VDAC1: variants seen among roughly 807,000 people sequenced by gnomAD.
VDAC1 encodes the protein voltage dependent anion channel 1, also known as non-selective voltage-gated ion channel VDAC1.
A neutral mutation model predicts 34.7 loss-of-function variants in VDAC1; 10 were observed. That is an observed-to-expected ratio of 0.29 (90% CI 0.18 to 0.49). The LOEUF (loss-of-function observed/expected upper bound fraction) is 0.49. Ranked by LOEUF, VDAC1 falls within the 20% of genes least tolerant of loss-of-function variation. The pLI, the probability that VDAC1 is intolerant of heterozygous loss-of-function variation, is 0.99. For missense variants in VDAC1, 230 were observed against 347.9 expected, an observed-to-expected ratio of 0.66 and a Z score of 2.69; for synonymous variants, 130 against 136.0, an observed-to-expected ratio of 0.96 and a Z score of 0.30.
intron 7 of VDAC1, among the ~76,000 whole-genome samples, chr5:133,975,304 C>A (rs1580706108): frequency 6.6e-6 from 1 of 151,970 alleles, no homozygotes. Flanking sequence ...AACCAAAGCA[C>A]CTATTTCAAA....
chr5:134,047,020 G>A, the VDAC1 span, among the ~76,000 whole-genome samples: 1 of 152,202 alleles, frequency 6.6e-6, no homozygotes, highest in African/African-American at 2.4e-5. Flanking sequence ...AGGTAGAAGT[G>A]GGAGAAGTGA....
At chr5:134,098,545 C>T in the VDAC1 span, among the ~76,000 whole-genome samples, 1 of 152,230 alleles carries the variant, frequency 6.6e-6, no homozygotes, top group African/African-American at 2.4e-5. Context: ...TTCTTTCAGA[C>T]CAGTCCTCTG....
chr5:134,106,284 A>T, the VDAC1 span, among the ~76,000 whole-genome samples: 2 of 152,236 alleles, frequency 1.3e-5, no homozygotes, highest in Non-Finnish European at 2.9e-5. Flanking sequence ...AATACTAGGC[A>T]TGGGTGAGCT....
upstream of VDAC1, among the ~76,000 whole-genome samples, chr5:134,008,918 G>A (rs1398622065): frequency 3.3e-5 from 5 of 152,156 alleles, no homozygotes; most frequent in Non-Finnish European, 7.3e-5. Context: ...TGGCGTGTTT[G>A]TGGTCAAGGA....
Position 133,983,520 on chromosome 5 carries a change from T to C in VDAC1, c.324-2564A>G, listed in dbSNP as rs963398070. On this transcript the variant is annotated intron_variant, in intron 5 of 8. Transcript: ENST00000265333. ...AATGAGGGTTAAACATATTTTTCTG[T>C]ATATTTTTGTATGTTTCAGATTTCT... Among the ~76,000 whole-genome samples the C allele has an allele frequency of 5.3e-5, 8 of 152,238 alleles. No individual in the cohort carries two copies. The East Asian group carries it at 1.3e-3, about 26-fold the overall frequency.
chr5:133,990,822 C>T (rs779783823), intron 5 of VDAC1, 33 bp downstream of exon 5: 2 of 1,517,668 alleles, frequency 1.3e-6, no homozygotes, highest in Middle Eastern at 1.8e-4. Flanking sequence ...CATCAGAGAA[C>T]ATCCTTGTGG....
chr5:134,011,262 G>T, the VDAC1 span, among the ~76,000 whole-genome samples: 1 of 152,006 alleles, frequency 6.6e-6, no homozygotes, highest in African/African-American at 2.4e-5. Context: ...GCCTCCCAAA[G>T]TGCTAGGATT....
the VDAC1 span, among the ~76,000 whole-genome samples, chr5:134,041,138 A>C: frequency 7.9e-5 from 12 of 152,356 alleles, no homozygotes; most frequent in East Asian, 2.3e-3. Flanking sequence ...GGAAAACATT[A>C]CCAGCTCCTT....
At chr5:134,080,431 C>T in the VDAC1 span, among the ~76,000 whole-genome samples, 109 of 139,504 alleles carry the variant, frequency 7.8e-4, no homozygotes, top group African/African-American at 2.2e-3. Context: ...TCTCTCCCAG[C>T]CCCAGACCCC....
chr5:134,056,335 T>C, the VDAC1 span, among the ~76,000 whole-genome samples: 1 of 152,010 alleles, frequency 6.6e-6, no homozygotes, highest in African/African-American at 2.4e-5. Context: ...CATAAAGATG[T>C]GCAGCTATGT....
rs1045005748 is a variant in VDAC1 at position 134,004,814 on chromosome 5, G to C, written c.-7+81C>G. On this transcript the variant is annotated intron_variant, in intron 1 of 8. Transcript: ENST00000265333. ...TCCCCTCCTGCGCGCCCGGCCCGGC[G>C]CGCTCCGCCCCCAGGCCCCGCCCGG... is the stretch of plus-strand genomic sequence containing the variant. The C allele has an allele frequency of 2.0e-5, 3 of 150,264 alleles. No individual in the cohort carries two copies. In the East Asian group the frequency reaches 5.9e-4, roughly 29 times the overall value. 9.3% of individuals were successfully genotyped at this position (150,264 alleles called of 1,614,324 possible). A position where few individuals can be genotyped will look rare whatever the true frequency, so the allele number is the denominator to read the frequency against.
chr5:133,989,675 C>A (rs936408747), intron 5 of VDAC1, among the ~76,000 whole-genome samples: 3 of 126,988 alleles, frequency 2.4e-5, no homozygotes, highest in Non-Finnish European at 5.1e-5. Context: ...TTTTTTTTTT[C>A]TTTTGAGATG....
chr5:134,056,553 C>T, the VDAC1 span, among the ~76,000 whole-genome samples: 1 of 152,026 alleles, frequency 6.6e-6, no homozygotes, highest in Non-Finnish European at 1.5e-5. Context: ...GATCCTCTAG[C>T]CTCGGCCTCC....
At chr5:134,034,773 G>A in the VDAC1 span, among the ~76,000 whole-genome samples, 2 of 151,942 alleles carry the variant, frequency 1.3e-5, no homozygotes, top group African/African-American at 4.8e-5. Flanking sequence ...TTTCCACTAT[G>A]GAGGAAAGGA....
At chr5:134,020,739 C>T in the VDAC1 span, among the ~76,000 whole-genome samples, 13 of 152,080 alleles carry the variant, frequency 8.5e-5, no homozygotes, top group African/African-American at 2.4e-4. Context: ...TGCAGTGGCG[C>T]GATCTCGGCT....
chr5:133,979,860 T>C (rs1752627294), intron 6 of VDAC1, among the ~76,000 whole-genome samples: 1 of 152,204 alleles, frequency 6.6e-6, no homozygotes, highest in Non-Finnish European at 1.5e-5. Flanking sequence ...TTTGTAGTCA[T>C]ACCCTCCCCG....
upstream of VDAC1, among the ~76,000 whole-genome samples, chr5:134,008,171 G>T (rs1242284254): frequency 1.1e-5 from 1 of 87,476 alleles, no homozygotes; most frequent in South Asian, 4.0e-4. Flanking sequence ...TCCCCGCCCC[G>T]CAGGGATGGA....
the VDAC1 span, among the ~76,000 whole-genome samples, chr5:134,113,795 G>C: frequency 1.3e-5 from 2 of 152,256 alleles, no homozygotes; most frequent in African/African-American, 2.4e-5. Context: ...GATCGAGCGA[G>C]GGTTAGAGGG....
chr5:134,075,624 C>T, the VDAC1 span, among the ~76,000 whole-genome samples: 40 of 152,312 alleles, frequency 2.6e-4, no homozygotes, highest in African/African-American at 8.9e-4. Flanking sequence ...CGCTCTGTTG[C>T]CCAGGCTCGA....
Sources: allele counts gnomAD v4.1 joint callset (sites outside exome capture counted in the v4.1 genomes callset), GRCh38; gene constraint gnomAD v4.1.1; transcripts MANE v1.5; gene names NCBI Gene and HGNC (gene_info 2026-07-23, HGNC 2026-07-21).